FOXK2: variants seen among roughly 807,000 people sequenced by gnomAD.
The protein encoded by FOXK2 is forkhead box K2, also known as forkhead box protein K2.
FOXK2 carries 24 observed loss-of-function variants against 53.3 expected under a neutral mutation model. The observed-to-expected ratio is 0.45, with a 90% CI of 0.33 to 0.63. The LOEUF is 0.63. Among genes scored for constraint, FOXK2 ranks in the 30% least tolerant of loss-of-function variants. FOXK2 has a pLI of 0.03. For synonymous variants in FOXK2, 505 were observed against 407.1 expected (o/e 1.24, Z -2.89); for missense variants, 952 against 910.5 (o/e 1.05, Z -0.59).
chr17:82,587,503 T>C (rs112408146), intron 8 of FOXK2: 68 of 557,212 alleles, frequency 1.2e-4, no homozygotes, highest in Middle Eastern at 9.8e-4. Context: ...TTCTAATACA[T>C]TGAGAGGGAA....
At chr17:82,584,824 G>C (rs1028239182) in intron 6 of FOXK2, among the ~76,000 whole-genome samples, 4 of 152,078 alleles carry the variant, frequency 2.6e-5, no homozygotes, top group African/African-American at 9.7e-5. Context: ...AGTGCTGGGC[G>C]TACAGGCGTG....
At position 82,587,105 on chromosome 17, in the gene FOXK2, G is replaced by T. The variant is rs1481603743; in HGVS notation, c.1619G>T (p.Gly540Val). The change falls in exon 8 of 9, where the codon GGC becomes GTC. Residue 540 changes from glycine to valine, a missense_variant. By Grantham distance (109) the Gly-to-Val change is moderately radical (BLOSUM62 -3). Around this residue, in one of 5 missense-constraint regions of FOXK2, gnomAD observed 551 missense variants for 385.1 expected, o/e 1.43. Coordinates refer to ENST00000335255, the MANE Select transcript of FOXK2 (RefSeq NM_004514.4). ...PIPAIGHATL[G>V]TASRIIQTAQ... is the part of the protein sequence containing the mutation. ...CCCGCCATTGGCCACGCCACGCTCG[G>T]CACTGCCAGCCGGATCATTCAGACG... 1 of 1,613,012 alleles carries T rather than the reference G, an allele frequency of 6.2e-7. No individual in the cohort carries two copies. Among genetic ancestry groups the T allele is most frequent in the Non-Finnish European group, 8.5e-7 (1 of 1,180,020 alleles).
At chr17:82,601,254 G>C (rs200062574) in intron 8 of FOXK2, 49 bp from the exon 9 acceptor site, 30 of 1,571,350 alleles carry the variant, frequency 1.9e-5, no homozygotes, top group Non-Finnish European at 2.4e-5. Flanking sequence ...TCTGAGTCGC[G>C]AGGGTTCACG....
At chr17:82,570,065 AC>A (rs1338047316) in intron 3 of FOXK2, among the ~76,000 whole-genome samples, 1 of 151,216 alleles carries the variant, frequency 6.6e-6, no homozygotes, top group Non-Finnish European at 1.5e-5. Context: ...TACTAAAAAT[AC>A]AAAAAATTAG....
At chr17:82,565,379 G>A (rs908595570) in intron 2 of FOXK2, among the ~76,000 whole-genome samples, 1 of 152,186 alleles carries the variant, frequency 6.6e-6, no homozygotes, top group Non-Finnish European at 1.5e-5. Context: ...GTGAAAAGGT[G>A]TTGTACAGAA....
rs1022470500 is a variant in FOXK2 at position 82,568,943 on chromosome 17, C to T, written c.762+742C>T. On this transcript the variant is annotated intron_variant, in intron 3 of 8. Coordinates refer to ENST00000335255, the MANE Select transcript of FOXK2 (RefSeq NM_004514.4). ...GGAGAATCACTTGAACCCCGGGAGGCGGAGGTTGCAGTGAGCTGAGATCAC... is the reference window on the plus strand; with the variant it reads ...GGAGAATCACTTGAACCCCGGGAGGTGGAGGTTGCAGTGAGCTGAGATCAC... 9.2e-5 allele frequency among the ~76,000 whole-genome samples: 14 copies of T among 152,128 alleles called. No individual in the cohort carries two copies. The East Asian group carries it at 1.2e-3, about 13-fold the overall frequency.
chr17:82,595,781 G>GGGCCCCTTGGCCTCAGAA, intron 8 of FOXK2: 2 of 1,289,486 alleles, frequency 1.6e-6, no homozygotes, highest in Non-Finnish European at 2.0e-6. Flanking sequence ...CCTCTCCCCA[G>GGGCCCCTTGGCCTCAGAA]GGCCCCTTGG....
intron 4 of FOXK2, among the ~76,000 whole-genome samples, chr17:82,579,885 GC>G (rs2045036726): frequency 2.7e-5 from 2 of 72,826 alleles, no homozygotes; most frequent in Admixed American, 1.5e-4. Flanking sequence ...TCTCCATGTC[GC>G]CCATGAAGTA....
intron 1 of FOXK2, among the ~76,000 whole-genome samples, chr17:82,522,068 A>C (rs1479299439): frequency 8.6e-6 from 1 of 116,708 alleles, no homozygotes; most frequent in African/African-American, 3.2e-5. Flanking sequence ...TTTTTTTTAC[A>C]AAATACTGTG....
intron 4 of FOXK2, among the ~76,000 whole-genome samples, chr17:82,574,986 A>G (rs2044966070): frequency 6.6e-6 from 1 of 152,272 alleles, no homozygotes; most frequent in Admixed American, 6.5e-5. Context: ...CAGAGCTTGT[A>G]GCTTGTCCTT....
chr17:82,524,375 G>A (rs1411329898), intron 1 of FOXK2, among the ~76,000 whole-genome samples: 1 of 152,112 alleles, frequency 6.6e-6, no homozygotes, highest in Non-Finnish European at 1.5e-5. Flanking sequence ...CAGAAAATTT[G>A]CAAGAGTACA....
chr17:82,594,297 G>T (rs1195883684), intron 8 of FOXK2, among the ~76,000 whole-genome samples: 1 of 152,116 alleles, frequency 6.6e-6, no homozygotes, highest in Non-Finnish European at 1.5e-5. Context: ...AGGAGATTGA[G>T]ACCATCCTGG....
intron 1 of FOXK2, among the ~76,000 whole-genome samples, chr17:82,524,553 G>A (rs1298586096): frequency 2.0e-5 from 3 of 152,166 alleles, no homozygotes; most frequent in Admixed American, 1.3e-4. Context: ...GGGGAGCCTC[G>A]AGCCCAGTGT....
At chr17:82,585,791 T>C in intron 6 of FOXK2, 113 bp from the exon 7 acceptor site, 2 of 1,034,942 alleles carry the variant, frequency 1.9e-6, no homozygotes, top group Non-Finnish European at 2.8e-6. Flanking sequence ...AATAGGGCCA[T>C]ATCCTATATT....
At chr17:82,544,978 A>G (rs1185806500) in intron 1 of FOXK2, among the ~76,000 whole-genome samples, 2 of 151,994 alleles carry the variant, frequency 1.3e-5, no homozygotes, top group African/African-American at 2.4e-5. Context: ...TTAAAAAAAA[A>G]AAAGAATTGT....
chr17:82,565,954 CAT>C (rs1306766164), intron 2 of FOXK2, among the ~76,000 whole-genome samples: 1 of 151,928 alleles, frequency 6.6e-6, no homozygotes, highest in African/African-American at 2.4e-5. Context: ...TATGCTGAAA[CAT>C]AAATTAACCC....
At chr17:82,524,118 A>G (rs1190690089) in intron 1 of FOXK2, among the ~76,000 whole-genome samples, 1 of 151,772 alleles carries the variant, frequency 6.6e-6, no homozygotes, top group East Asian at 1.9e-4. Context: ...CAAACTCCTG[A>G]ACTCAGGTGA....
In FOXK2 at chr17:82,586,143, G is replaced by C. The variant is rs769451089; in HGVS notation, c.1519G>C (p.Val507Leu). ...ACAAGCTGTGGTCACCCCGGCAGCCGTGCTGGCCCCTCCTAAGGCAGAGGC... is the reference window on the plus strand; with the variant it reads ...ACAAGCTGTGGTCACCCCGGCAGCCCTGCTGGCCCCTCCTAAGGCAGAGGC... ...SGQAVVTPAA[V>L]LAPPKAEAQE... Residue 507 changes from valine to leucine, a missense_variant, in exon 7 of 9, where the codon GTG becomes CTG. Transcript: ENST00000335255. The C allele has an allele frequency of 3.7e-6, 6 of 1,612,516 alleles. No individual in the cohort carries two copies. The highest frequency in any genetic ancestry group is 5.1e-6 in the Non-Finnish European group (6 of 1,179,894).
intron 1 of FOXK2, among the ~76,000 whole-genome samples, chr17:82,550,918 G>T (rs549763079): frequency 4.6e-5 from 7 of 152,340 alleles, no homozygotes; most frequent in Non-Finnish European, 8.8e-5. Flanking sequence ...GAAGCACTGC[G>T]TGCAGTAAGC....
Sources: allele counts gnomAD v4.1 joint callset (sites outside exome capture counted in the v4.1 genomes callset), GRCh38; gene constraint gnomAD v4.1.1; regional missense constraint gnomAD v4.1.1; transcripts MANE v1.5; gene names NCBI Gene and HGNC (gene_info 2026-07-23, HGNC 2026-07-21).